The following CHST4 variants were observed in gnomAD, a reference collection of about 807,000 sequenced individuals.
The protein encoded by CHST4 is GST-3.
For synonymous variants in CHST4, 171 were observed against 195.5 expected (o/e 0.87, Z 1.05); for missense variants, 466 against 506.0 (o/e 0.92, Z 0.76).
In CHST4 at chr16:71,536,925, A is replaced by G. The variant is rs539721817; in HGVS notation, c.248A>G (p.Lys83Arg). The G allele has an allele frequency of 1.2e-6, 2 of 1,610,882 alleles. No individual in the cohort carries two copies. The highest frequency in any genetic ancestry group is 1.7e-6 in the Non-Finnish European group (2 of 1,177,734). ...EPAWHVWMTFKQSTAWMLHMA... is the reference protein window; with the variant it reads ...EPAWHVWMTFRQSTAWMLHMA... ...GCCTGGCACGTGTGGATGACCTTCA[A>G]GCAGAGCACCGCCTGGATGCTGCAC... The change falls in exon 2 of 2, where the codon AAG (lysine) becomes AGG (arginine). Residue 83 changes from lysine to arginine, a missense_variant. By Grantham distance (26) the Lys-to-Arg change is conservative (BLOSUM62 2). Transcript: ENST00000539698.
In CHST4 at chr16:71,537,585, A is replaced by G. The variant is rs2044002041; in HGVS notation, c.908A>G (p.Gln303Arg). The change falls in exon 2 of 2, where the codon CAG (glutamine) becomes CGG (arginine). Residue 303 changes from glutamine (Q) to arginine (R), a missense_variant. Physicochemically the swap from Gln to Arg is conservative, Grantham distance 43 (BLOSUM62 1). Coordinates refer to ENST00000539698, the MANE Select transcript of CHST4 (RefSeq NM_001166395.2). The surrounding 1 kb of genome is among the most constrained non-coding windows in gnomAD (Gnocchi z 4.2). The stretch of plus-strand genomic sequence containing the variant: ...GGATTGGAATTCTTGCCCCATCTTC[A>G]GACCTGGGTGCATAACATCACCCGA... ...FVGLEFLPHL[Q>R]TWVHNITRGK... 1 of 1,614,192 alleles carries G rather than the reference A, an allele frequency of 6.2e-7. No individual in the cohort carries two copies. The highest frequency in any genetic ancestry group is 8.5e-7 in the Non-Finnish European group (1 of 1,180,040).
In CHST4 at chr16:71,537,549, A is replaced by G. The variant is rs1345824994; in HGVS notation, c.872A>G (p.Tyr291Cys). Residue 291 changes from tyrosine (Y) to cysteine (C), a missense_variant, in exon 2 of 2, where the codon TAT becomes TGT. By Grantham distance (194) the Tyr-to-Cys change is radical (BLOSUM62 -2). Transcript: ENST00000539698. This position sits in a 1 kb window ranked among gnomAD's most constrained non-coding sequence, Gnocchi z 4.2. ...RAPVAQTSRM[Y>C]EFVGLEFLPH... Reference sequence around the variant, plus strand: ...CCTGTGGCCCAGACTTCCCGAATGTATGAATTCGTGGGATTGGAATTCTTG... The same window carrying G: ...CCTGTGGCCCAGACTTCCCGAATGTGTGAATTCGTGGGATTGGAATTCTTG... The G allele has an allele frequency of 1.2e-6, 2 of 1,614,170 alleles. No homozygotes were observed. Among genetic ancestry groups the G allele is most frequent in the Non-Finnish European group, 1.7e-6 (2 of 1,180,036 alleles).
intron 1 of CHST4, among the ~76,000 whole-genome samples, chr16:71,531,390 C>T (rs993382624): frequency 6.6e-6 from 1 of 152,176 alleles, no homozygotes. Flanking sequence ...CATTGTGTGT[C>T]GTCTAGATCC....
chr16:71,536,756 T>C lies in CHST4; in HGVS notation c.79T>C (p.Tyr27His), dbSNP rs76039035. 6.6e-7 allele frequency: 1 copy of C among 1,509,882 alleles called. No individual in the cohort carries two copies. Among genetic ancestry groups the C allele is most frequent in the African/African-American group, 1.4e-5 (1 of 71,580 alleles). The allele number at this position is 1,509,882 out of a possible 1,614,324, so 93.5% of individuals were successfully genotyped here. A position where few individuals can be genotyped will look rare whatever the true frequency, so the allele number is the denominator to read the frequency against. The change falls in exon 2 of 2, where the codon TAC becomes CAC. Residue 27 changes from tyrosine to histidine, a missense_variant. By Grantham distance (83) the Tyr-to-His change is moderately conservative. Transcript: ENST00000539698. ...CATCTTGGCTCTATTCTTCCACATG[T>C]ACAGCCACAACATCAGCTCCCTGTC... ...MAILALFFHM[Y>H]SHNISSLSMK... is the part of the protein sequence containing the mutation.
At chr16:71,534,361 T>TC (rs2043972082) in intron 1 of CHST4, among the ~76,000 whole-genome samples, 1 of 149,442 alleles carries the variant, frequency 6.7e-6, no homozygotes, top group African/African-American at 2.5e-5. Flanking sequence ...TTTTTTTTTT[T>TC]TTTTTTCTTT....
At chr16:71,527,604 G>C (rs1191915551) in intron 1 of CHST4, among the ~76,000 whole-genome samples, 1 of 152,112 alleles carries the variant, frequency 6.6e-6, no homozygotes, top group Non-Finnish European at 1.5e-5. Flanking sequence ...AAAAAAATTA[G>C]CTGGGCATGG....
At position 71,529,913 on chromosome 16, in the gene CHST4, C is replaced by T. The variant is rs557981719; in HGVS notation, c.-19+3418C>T. On this transcript the variant is annotated intron_variant, in intron 1 of 1. Coordinates refer to ENST00000539698, the MANE Select transcript of CHST4 (RefSeq NM_001166395.2). ...CTGTGATCCCAGCACTTTGGCAGGCCGAGGCGGGAGAATCACCTGAGGTCA... is the reference window on the plus strand; with the variant it reads ...CTGTGATCCCAGCACTTTGGCAGGCTGAGGCGGGAGAATCACCTGAGGTCA... Among the ~76,000 whole-genome samples, 10 of 152,162 alleles carry T rather than the reference C, an allele frequency of 6.6e-5. No individual in the cohort carries two copies. In the East Asian group the frequency reaches 9.7e-4, roughly 15 times the overall value.
intron 1 of CHST4, 22 bp from the exon 2 acceptor site, chr16:71,536,638 C>A: frequency 1.5e-6 from 2 of 1,374,708 alleles, no homozygotes; most frequent in Non-Finnish European, 1.9e-6. Flanking sequence ...CCAACTCCAC[C>A]CTTTCTGTTT....
Position 71,537,018 on chromosome 16 carries a change from A to G in CHST4, c.341A>G (p.Glu114Gly). 1 of 1,614,086 alleles carries G rather than the reference A, an allele frequency of 6.2e-7. No homozygotes were observed. The highest frequency in any genetic ancestry group is 8.5e-7 in the Non-Finnish European group (1 of 1,180,004). The change falls in exon 2 of 2, where the codon GAA becomes GGA. Residue 114 changes from glutamate to glycine, a missense_variant. Transcript: ENST00000539698. This position sits in a 1 kb window ranked among gnomAD's most constrained non-coding sequence, Gnocchi z 4.2. ...ATGAGCGTCTTTGATGCCTACATGG[A>G]ACCTGGTCCCCGGAGACAGTCCAGC... ...CDMSVFDAYM[E>G]PGPRRQSSLF...
chr16:71,526,761 A>G (rs2043911728), intron 1 of CHST4, among the ~76,000 whole-genome samples: 1 of 152,166 alleles, frequency 6.6e-6, no homozygotes, highest in East Asian at 1.9e-4. Context: ...GTTCTGATGT[A>G]TATTTTGTAG....
chr16:71,536,788 G>A lies in CHST4; in HGVS notation c.111G>A (p.Lys37=), dbSNP rs770044780. The A allele has an allele frequency of 6.6e-7, 1 of 1,517,712 alleles. No homozygotes were observed. The highest frequency in any genetic ancestry group is 1.3e-5 in the South Asian group (1 of 74,780). 94.0% of individuals were successfully genotyped at this position (1,517,712 alleles called of 1,614,324 possible). A position where few individuals can be genotyped will look rare whatever the true frequency, so the allele number is the denominator to read the frequency against. Residue 37 remains lysine, a synonymous_variant, in exon 2 of 2, where the codon AAG becomes AAA. Transcript: ENST00000539698. ...ACAACATCAGCTCCCTGTCTATGAA[G>A]GCACAGCCCGAGCGCATGCACGTGC... The part of the protein sequence containing the change: ...YSHNISSLSM[K]AQPERMHVLV...
At chr16:71,536,050 A>G (rs776524970) in intron 1 of CHST4, among the ~76,000 whole-genome samples, 1 of 152,200 alleles carries the variant, frequency 6.6e-6, no homozygotes, top group African/African-American at 2.4e-5. Flanking sequence ...GACAATTCCA[A>G]CTAAAGCCAA....
chr16:71,529,724 T>C (rs984117220), intron 1 of CHST4, among the ~76,000 whole-genome samples: 1 of 152,082 alleles, frequency 6.6e-6, no homozygotes, highest in Non-Finnish European at 1.5e-5. Flanking sequence ...AGAATTGTTA[T>C]GTACGTGTAA....
In CHST4 at chr16:71,537,815, A is replaced by G. The variant is rs2044004736; in HGVS notation, c.1138A>G (p.Thr380Ala). ...NLLLDLLSTW[T>A]VPEQIH is the part of the protein sequence containing the mutation. ...GTTGCTGGATCTTCTGTCTACCTGGACTGTCCCTGAGCAAATCCACTAAGA... is the reference window on the plus strand; with the variant it reads ...GTTGCTGGATCTTCTGTCTACCTGGGCTGTCCCTGAGCAAATCCACTAAGA... The change falls in exon 2 of 2, where the codon ACT becomes GCT. Residue 380 changes from threonine to alanine, a missense_variant. Physicochemically the swap from Thr to Ala is moderately conservative, Grantham distance 58 (BLOSUM62 0). Coordinates refer to ENST00000539698, the MANE Select transcript of CHST4 (RefSeq NM_001166395.2). This position sits in a 1 kb window ranked among gnomAD's most constrained non-coding sequence, Gnocchi z 4.2. 1 of 1,613,352 alleles carries G rather than the reference A, an allele frequency of 6.2e-7. No individual in the cohort carries two copies.
In CHST4 at chr16:71,537,629, C is replaced by T; in HGVS notation, c.952C>T (p.His318Tyr). 1.9e-6 allele frequency: 3 copies of T among 1,614,178 alleles called. No individual in the cohort carries two copies. The highest frequency in any genetic ancestry group is 2.5e-6 in the Non-Finnish European group (3 of 1,180,040). ...NITRGKGMGD[H>Y]AFHTNARDAL... ...CACCCGAGGCAAGGGCATGGGTGACCACGCTTTCCACACAAATGCCAGGGA... is the reference window on the plus strand; with the variant it reads ...CACCCGAGGCAAGGGCATGGGTGACTACGCTTTCCACACAAATGCCAGGGA... The change falls in exon 2 of 2, where the codon CAC becomes TAC. Residue 318 changes from histidine to tyrosine, a missense_variant. Coordinates refer to ENST00000539698, the MANE Select transcript of CHST4 (RefSeq NM_001166395.2). This position sits in a 1 kb window ranked among gnomAD's most constrained non-coding sequence, Gnocchi z 4.2.
chr16:71,537,668 TC>T lies in CHST4; in HGVS notation c.994del (p.Gln332ArgfsTer23), dbSNP rs767650307. On this transcript the variant is annotated frameshift_variant, in exon 2 of 2. Coordinates refer to ENST00000539698, the MANE Select transcript of CHST4 (RefSeq NM_001166395.2). LOFTEE classifies it low-confidence loss of function (END_TRUNC). The surrounding 1 kb of genome is among the most constrained non-coding windows in gnomAD (Gnocchi z 4.2). ...HTNARDALNV[S>X]QAWRWSLPYE... ...AAATGCCAGGGATGCCCTTAATGTC[TC>T]CCAGGCTTGGCGCTGGTCTTTGCCC... 13 of 1,614,180 alleles carry T rather than the reference TC, an allele frequency of 8.1e-6. No individual in the cohort carries two copies. Among genetic ancestry groups the T allele is most frequent in the Non-Finnish European group, 8.5e-6 (10 of 1,180,030 alleles).
Position 71,537,577 on chromosome 16 carries a change from C to T in CHST4, c.900C>T (p.Pro300=), listed in dbSNP as rs1230939990. The T allele has an allele frequency of 6.2e-7, 1 of 1,614,158 alleles. No individual in the cohort carries two copies. Among genetic ancestry groups the T allele is most frequent in the Admixed American group, 1.7e-5 (1 of 60,022 alleles). Residue 300 remains proline, a synonymous_variant, in exon 2 of 2, where the codon CCC becomes CCT. Coordinates refer to ENST00000539698, the MANE Select transcript of CHST4 (RefSeq NM_001166395.2). The surrounding 1 kb of genome is among the most constrained non-coding windows in gnomAD (Gnocchi z 4.2). ...AATTCGTGGGATTGGAATTCTTGCC[C>T]CATCTTCAGACCTGGGTGCATAACA... ...MYEFVGLEFL[P]HLQTWVHNIT...
chr16:71,529,541 C>CTTTTTTTT (rs1217192011), intron 1 of CHST4, among the ~76,000 whole-genome samples: 3 of 58,746 alleles, frequency 5.1e-5, no homozygotes, highest in African/African-American at 2.3e-4. Flanking sequence ...CCATGCTCAT[C>CTTTTTTTT]TATTTTTTTT....
chr16:71,532,148 C>A (rs373681403), intron 1 of CHST4, among the ~76,000 whole-genome samples: 2 of 149,716 alleles, frequency 1.3e-5, no homozygotes, highest in East Asian at 2.0e-4. Flanking sequence ...CCTGGGTTCA[C>A]GCCGTTCTCC....
Sources: gnomAD v4.1 joint callset for allele counts (sites outside exome capture counted in the v4.1 genomes callset) on GRCh38, gnomAD v4.1.1 for gene constraint, Gnocchi (gnomAD v3.1) non-coding constraint, MANE v1.5 for transcripts, NCBI Gene and HGNC (gene_info 2026-07-23, HGNC 2026-07-21) for gene names.